The following ARHGAP6 variants were observed in gnomAD, a reference collection of about 807,000 sequenced individuals.
The protein encoded by ARHGAP6 is Rho GTPase activating protein 6, also known as rho GTPase-activating protein 6.
Under a neutral mutation model 55.7 loss-of-function variants are expected in ARHGAP6, and 16 were observed. The ratio of observed to expected loss-of-function variants is 0.29; its 90% CI spans 0.19 to 0.44. The LOEUF is 0.44. ARHGAP6 is among the 20% of genes least tolerant of loss of function. The pLI is 1.00. For synonymous variants in ARHGAP6, 382 were observed against 360.9 expected (o/e 1.06, Z -0.66); for missense variants, 698 against 808.9 (o/e 0.86, Z 1.66).
At chrX:11,596,043 A>G (rs1466481596) in intron 1 of ARHGAP6, among the ~76,000 whole-genome samples, 2 of 112,049 alleles carry the variant, frequency 1.8e-5, no homozygotes, top group Non-Finnish European at 1.9e-5. Context: ...AACTAGAAAC[A>G]CCATTTCACC....
At chrX:11,362,228 C>T (rs1731560304) in intron 1 of ARHGAP6, among the ~76,000 whole-genome samples, 1 of 111,660 alleles carries the variant, frequency 9.0e-6, no homozygotes, top group Non-Finnish European at 1.9e-5. Flanking sequence ...CAGCACTATT[C>T]ACAATAGCAA....
chrX:11,602,437 C>A lies in ARHGAP6; in HGVS notation c.588+61804G>T, dbSNP rs143473368. On this transcript the variant is annotated intron_variant, in intron 1 of 12. Transcript: ENST00000337414. ...AAGGGAGGCTACATAACAAAAGTGT[C>A]TCTCCGGGATACCTGACACTTTCTC... Among the ~76,000 whole-genome samples the A allele has an allele frequency of 6.3e-3, 714 of 112,495 alleles. 5 individuals are homozygous for A. Among genetic ancestry groups the A allele is most frequent in the African/African-American group, 0.021 (662 of 30,997 alleles).
intron 8 of ARHGAP6, among the ~76,000 whole-genome samples, chrX:11,174,364 T>A (rs1215881538): frequency 8.9e-6 from 1 of 111,989 alleles, no homozygotes; most frequent in East Asian, 2.8e-4. Flanking sequence ...ATTCTATATT[T>A]GCCTTGTGTC....
At chrX:11,430,259 C>T (rs1233042634) in intron 1 of ARHGAP6, among the ~76,000 whole-genome samples, 1 of 112,359 alleles carries the variant, frequency 8.9e-6, no homozygotes, top group South Asian at 3.7e-4. Flanking sequence ...GCCAAAAATA[C>T]TCCATCAGCC....
intron 1 of ARHGAP6, among the ~76,000 whole-genome samples, chrX:11,497,508 G>A (rs1452312938): frequency 9.3e-6 from 1 of 107,525 alleles, no homozygotes; most frequent in Non-Finnish European, 1.9e-5. Flanking sequence ...CTTATGAGAA[G>A]AGAAAGACCA....
At chrX:11,632,591 G>A (rs768619332) in intron 1 of ARHGAP6, among the ~76,000 whole-genome samples, 4 of 112,038 alleles carry the variant, frequency 3.6e-5, no homozygotes, top group African/African-American at 6.5e-5. Context: ...TTTAATTGAC[G>A]TAATTATAAC....
At chrX:11,284,533 A>T (rs2047897457) in intron 1 of ARHGAP6, among the ~76,000 whole-genome samples, 1 of 112,298 alleles carries the variant, frequency 8.9e-6, no homozygotes, top group South Asian at 3.7e-4. Context: ...GGTTTTGGGC[A>T]ACACTTGTGG....
At chrX:11,596,823 C>T (rs2051909436) in intron 1 of ARHGAP6, among the ~76,000 whole-genome samples, 1 of 111,805 alleles carries the variant, frequency 8.9e-6, no homozygotes, top group Non-Finnish European at 1.9e-5. Flanking sequence ...ATTTTCCTGG[C>T]TTGTGAGTGT....
chrX:11,192,222 G>C (rs959805152), intron 3 of ARHGAP6, among the ~76,000 whole-genome samples: 5 of 112,266 alleles, frequency 4.5e-5, no homozygotes, highest in African/African-American at 9.7e-5. Context: ...AGAAATCTGA[G>C]AGTCATCCTT....
chrX:11,305,588 T>C (rs1328861039), intron 1 of ARHGAP6, among the ~76,000 whole-genome samples: 1 of 111,565 alleles, frequency 9.0e-6, no homozygotes, highest in Non-Finnish European at 1.9e-5. Context: ...CTGAAAGTGA[T>C]TGTGTCTACC....
At chrX:11,458,319 G>A (rs759124828) in intron 1 of ARHGAP6, among the ~76,000 whole-genome samples, 20 of 112,254 alleles carry the variant, frequency 1.8e-4, no homozygotes, top group Non-Finnish European at 3.0e-4. Context: ...TCGGCCTCTT[G>A]CCACTCCAGT....
At chrX:11,252,079 C>T (rs1009180197) in intron 2 of ARHGAP6, among the ~76,000 whole-genome samples, 1 of 112,013 alleles carries the variant, frequency 8.9e-6, no homozygotes, top group African/African-American at 3.2e-5. Flanking sequence ...AACCACACAG[C>T]CTCAGAAATA....
intron 10 of ARHGAP6, chrX:11,145,052 A>C (rs2045671073): frequency 8.9e-6 from 1 of 112,258 alleles, no homozygotes; most frequent in Non-Finnish European, 1.9e-5. Context: ...GCAACGTGAA[A>C]AGAGCATGGG....
At chrX:11,392,283 C>T (rs750249793) in intron 1 of ARHGAP6, among the ~76,000 whole-genome samples, 4 of 111,759 alleles carry the variant, frequency 3.6e-5, no homozygotes, top group Admixed American at 9.5e-5. Flanking sequence ...CAGCAGAGTT[C>T]TGCATGGCTG....
At chrX:11,626,387 G>A (rs1285676804) in intron 1 of ARHGAP6, among the ~76,000 whole-genome samples, 1 of 111,308 alleles carries the variant, frequency 9.0e-6, no homozygotes, top group Non-Finnish European at 1.9e-5. Context: ...GACTATTTCA[G>A]AAAATGGAAA....
At chrX:11,462,306 C>A (rs1178099141) in intron 1 of ARHGAP6, among the ~76,000 whole-genome samples, 1 of 111,941 alleles carries the variant, frequency 8.9e-6, no homozygotes, top group Non-Finnish European at 1.9e-5. Flanking sequence ...TCGAAGGGAA[C>A]TGCCTCATCT....
At chrX:11,491,180 C>T in intron 1 of ARHGAP6, among the ~76,000 whole-genome samples, 1 of 112,005 alleles carries the variant, frequency 8.9e-6, no homozygotes, top group Non-Finnish European at 1.9e-5. Flanking sequence ...CAATAATAAA[C>T]AGAACAAATC....
intron 1 of ARHGAP6, among the ~76,000 whole-genome samples, chrX:11,273,718 C>A: frequency 9.0e-6 from 1 of 110,569 alleles, no homozygotes; most frequent in East Asian, 2.9e-4. Flanking sequence ...AATTTGTAGT[C>A]ACCACAACTA....
intron 1 of ARHGAP6, among the ~76,000 whole-genome samples, chrX:11,567,553 C>CA (rs200460504): frequency 0.017 from 1,197 of 71,784 alleles, 64 homozygotes; most frequent in African/African-American, 0.031. Flanking sequence ...GACTCCATCT[C>CA]AAAAAAAAAA....
Sources: gnomAD v4.1 joint callset for allele counts (sites outside exome capture counted in the v4.1 genomes callset) on GRCh38, gnomAD v4.1.1 for gene constraint, MANE v1.5 for transcripts, NCBI Gene and HGNC (gene_info 2026-07-23, HGNC 2026-07-21) for gene names.